Variants in LANCL2 observed in about 807,000 individuals in gnomAD.
The protein encoded by LANCL2 is lanC-like protein 2.
LANCL2 carries 33 observed loss-of-function variants against 56.9 expected under a neutral mutation model. The observed-to-expected ratio is 0.58, with a 90% CI of 0.44 to 0.78. The LOEUF (loss-of-function observed/expected upper bound fraction) is 0.78, where lower values mean the gene tolerates loss of function less well. Ranked by LOEUF, LANCL2 falls within the 30% of genes least tolerant of loss-of-function variation. The pLI, the probability that LANCL2 is intolerant of heterozygous loss-of-function variation, is 0.00. For synonymous variants in LANCL2, 233 were observed against 228.2 expected, an observed-to-expected ratio of 1.02 and a Z score of -0.19; for missense variants, 562 against 580.2, an observed-to-expected ratio of 0.97 and a Z score of 0.32.
intron 1 of LANCL2, among the ~76,000 whole-genome samples, chr7:55,390,726 A>G (rs1790177894): frequency 6.6e-6 from 1 of 151,952 alleles, no homozygotes; most frequent in African/African-American, 2.4e-5. Flanking sequence ...GGTTGCAGTG[A>G]ACTGAGATCA....
chr7:55,407,947 G>A (rs922084908), intron 5 of LANCL2, among the ~76,000 whole-genome samples: 17 of 152,254 alleles, frequency 1.1e-4, no homozygotes, highest in Admixed American at 8.5e-4. Context: ...TGCCTTATGC[G>A]TGAGCACAGA....
Position 55,400,077 on chromosome 7 carries a change from C to T in LANCL2, c.651C>T (p.Gly217=). The T allele has an allele frequency of 1.2e-6, 2 of 1,610,456 alleles. No homozygotes were observed. The highest frequency in any genetic ancestry group is 8.5e-7 in the Non-Finnish European group (1 of 1,177,594). Residue 217 remains glycine, a synonymous_variant, in exon 4 of 9, where the codon GGC becomes GGT. Transcript: ENST00000254770. ...LLYLNTEIGP[G]TVCESAIKEV... is the part of the protein sequence containing the mutation. ...ACCTGAACACAGAGATAGGTCCAGG[C>T]ACCGTGTGTGAGTCAGCTATTAAAG...
At chr7:55,390,615 T>C (rs886455522) in intron 1 of LANCL2, among the ~76,000 whole-genome samples, 4 of 151,912 alleles carry the variant, frequency 2.6e-5, no homozygotes, top group Non-Finnish European at 4.4e-5. Context: ...ACCCCATCTC[T>C]ACTAAAAATA....
chr7:55,399,825 G>A (rs1790300130), intron 3 of LANCL2, 132 bp from the exon 4 acceptor site: 1 of 661,710 alleles, frequency 1.5e-6, no homozygotes, highest in South Asian at 3.4e-5. Context: ...CTGGATTTGG[G>A]AGTATTTTTA....
intron 5 of LANCL2, among the ~76,000 whole-genome samples, chr7:55,403,325 C>T (rs1166134437): frequency 4.5e-4 from 69 of 152,110 alleles, no homozygotes; most frequent in African/African-American, 1.5e-3. Context: ...CGCCTGCAAT[C>T]GCAGGCACTC....
intron 6 of LANCL2, among the ~76,000 whole-genome samples, chr7:55,416,967 T>TG (rs143790617): frequency 2.2e-5 from 3 of 134,038 alleles, no homozygotes; most frequent in Non-Finnish European, 3.1e-5. Context: ...ACAAACGAGG[T>TG]GGTTTTTTTT....
chr7:55,385,860 T>G (rs747177976), intron 1 of LANCL2, among the ~76,000 whole-genome samples: 34 of 152,280 alleles, frequency 2.2e-4, no homozygotes, highest in Non-Finnish European at 4.7e-4. Context: ...CTCTGCAATC[T>G]CGACCATAAG....
intron 5 of LANCL2, among the ~76,000 whole-genome samples, chr7:55,408,642 C>T (rs1355989353): frequency 6.6e-6 from 1 of 150,898 alleles, no homozygotes; most frequent in Non-Finnish European, 1.5e-5. Context: ...GCACTCCAGC[C>T]TGGGTAACAG....
At chr7:55,416,969 G>GTTTTTTTTT (rs869116156) in intron 6 of LANCL2, among the ~76,000 whole-genome samples, 25 of 81,636 alleles carry the variant, frequency 3.1e-4, no homozygotes, top group African/African-American at 7.5e-4. Flanking sequence ...AAACGAGGTG[G>GTTTTTTTTT]TTTTTTTTTT....
At chr7:55,429,290 C>G (rs527252770) in intron 8 of LANCL2, among the ~76,000 whole-genome samples, 44 of 152,304 alleles carry the variant, frequency 2.9e-4, no homozygotes, top group African/African-American at 9.9e-4. Flanking sequence ...TTCTCCAGTA[C>G]AAACTTCTAG....
intron 2 of LANCL2, 123 bp downstream of exon 2, chr7:55,392,033 C>A: frequency 1.8e-6 from 1 of 561,074 alleles, no homozygotes; most frequent in Non-Finnish European, 3.2e-6. Flanking sequence ...TGGCTGACGC[C>A]TGTAATCCCA....
chr7:55,412,643 G>A (rs1432765819), intron 6 of LANCL2, among the ~76,000 whole-genome samples: 1 of 152,150 alleles, frequency 6.6e-6, no homozygotes, highest in African/African-American at 2.4e-5. Context: ...ATAATATTAA[G>A]AGCGCTATTG....
At chr7:55,423,113 A>T (rs1308389373) in intron 6 of LANCL2, among the ~76,000 whole-genome samples, 1 of 152,230 alleles carries the variant, frequency 6.6e-6, no homozygotes, top group Non-Finnish European at 1.5e-5. Context: ...GATTGCTGTA[A>T]TACAATGTGG....
intron 5 of LANCL2, among the ~76,000 whole-genome samples, chr7:55,403,418 CAG>C (rs1045065716): frequency 3.3e-5 from 5 of 149,644 alleles, no homozygotes; most frequent in East Asian, 3.9e-4. Context: ...GGCTCGGCAT[CAG>C]GGGGAGACCG....
At chr7:55,428,778 C>A (rs1172376421) in intron 8 of LANCL2, among the ~76,000 whole-genome samples, 1 of 151,968 alleles carries the variant, frequency 6.6e-6, no homozygotes, top group Non-Finnish European at 1.5e-5. Flanking sequence ...TTGGTGTATT[C>A]ATGGGAAGCT....
intron 2 of LANCL2, among the ~76,000 whole-genome samples, chr7:55,395,488 C>T (rs141377175): frequency 9.2e-4 from 140 of 151,646 alleles, no homozygotes; most frequent in African/African-American, 3.1e-3. Context: ...GAAACCAAAG[C>T]GCAAGGAGCC....
At chr7:55,403,166 T>G (rs1790362014) in intron 5 of LANCL2, among the ~76,000 whole-genome samples, 1 of 152,154 alleles carries the variant, frequency 6.6e-6, no homozygotes, top group African/African-American at 2.4e-5. Flanking sequence ...ACTGAGTGAG[T>G]GAACGCGACT....
At position 55,431,364 on chromosome 7, in the gene LANCL2, C is replaced by A. The variant is rs775122295; in HGVS notation, c.*44C>A. On this transcript the variant is annotated 3_prime_UTR_variant, in exon 9 of 9. Transcript: ENST00000254770. ...TAAAATACCCATTTGGACCAAAAGCCACCAGATTGCTTAGTGCCTGACACA... is the reference window on the plus strand; with the variant it reads ...TAAAATACCCATTTGGACCAAAAGCAACCAGATTGCTTAGTGCCTGACACA... 4 of 1,442,724 alleles carry A rather than the reference C, an allele frequency of 2.8e-6. No individual in the cohort carries two copies. The highest frequency in any genetic ancestry group is 1.2e-5 in the South Asian group (1 of 83,900). The allele number at this position is 1,442,724 out of a possible 1,614,324, so 89.4% of individuals were successfully genotyped here. A position where few individuals can be genotyped will look rare whatever the true frequency, so the allele number is the denominator to read the frequency against.
intron 1 of LANCL2, among the ~76,000 whole-genome samples, chr7:55,391,209 G>A (rs1461472427): frequency 6.6e-6 from 1 of 151,586 alleles, no homozygotes; most frequent in Admixed American, 6.6e-5. Context: ...TAGTAGAGAC[G>A]GGGTTTCACT....
Sources: allele counts gnomAD v4.1 joint callset (sites outside exome capture counted in the v4.1 genomes callset), GRCh38; gene constraint gnomAD v4.1.1; transcripts MANE v1.5; gene names NCBI Gene and HGNC (gene_info 2026-07-23, HGNC 2026-07-21).